Variants in KHDRBS2 observed in about 807,000 individuals in gnomAD.
KHDRBS2 encodes KH domain-containing, RNA-binding, signal transduction-associated protein 2.
Under a neutral mutation model 44.3 loss-of-function variants are expected in KHDRBS2, and 26 were observed. The observed-to-expected ratio is 0.59, with a 90% CI of 0.43 to 0.81. The LOEUF (loss-of-function observed/expected upper bound fraction) is 0.81. Ranked by LOEUF, KHDRBS2 falls within the 40% of genes least tolerant of loss-of-function variation. The probability of loss-of-function intolerance (pLI) is 0.00; values close to 1 mark genes in which losing one functional copy is unlikely to be tolerated. For synonymous variants in KHDRBS2, 194 were observed against 151.1 expected (o/e 1.28, Z -2.08); for missense variants, 476 against 433.1 (o/e 1.10, Z -0.88).
intron 2 of KHDRBS2, among the ~76,000 whole-genome samples, chr6:62,056,897 C>T (rs186349521): frequency 1.8e-4 from 27 of 152,108 alleles, no homozygotes; most frequent in African/African-American, 6.3e-4. Flanking sequence ...ATTCTTGCGA[C>T]ACATTTCCCA....
the KHDRBS2 span, among the ~76,000 whole-genome samples, chr6:61,660,561 A>G: frequency 6.6e-6 from 1 of 151,878 alleles, no homozygotes; most frequent in South Asian, 2.1e-4. Flanking sequence ...AAGGAAGAAA[A>G]CAGAAATGTA....
the KHDRBS2 span, among the ~76,000 whole-genome samples, chr6:61,590,988 C>A: frequency 6.6e-6 from 1 of 152,126 alleles, no homozygotes; most frequent in Non-Finnish European, 1.5e-5. Context: ...AAGAAATTGC[C>A]ACCATACAGA....
chr6:61,649,903 C>T, the KHDRBS2 span, among the ~76,000 whole-genome samples: 2,057 of 152,198 alleles, frequency 0.014, 48 homozygotes, highest in African/African-American at 0.048. Context: ...TCTTTTGAAA[C>T]ATGTAGAGAT....
intron 2 of KHDRBS2, among the ~76,000 whole-genome samples, chr6:62,160,414 G>A (rs1349799028): frequency 6.6e-6 from 1 of 152,064 alleles, no homozygotes; most frequent in Non-Finnish European, 1.5e-5. Context: ...GTAAATATAT[G>A]AGGGCCAAGT....
intron 1 of KHDRBS2, among the ~76,000 whole-genome samples, chr6:62,186,718 T>C (rs7756505): frequency 0.61 from 92,488 of 151,792 alleles, 28,358 homozygotes; most frequent in Non-Finnish European, 0.62. Flanking sequence ...TCATCTAACA[T>C]TAAGCAGTGG....
At chr6:61,878,493 T>C (rs1285757389) in intron 6 of KHDRBS2, among the ~76,000 whole-genome samples, 1 of 152,050 alleles carries the variant, frequency 6.6e-6, no homozygotes, top group Admixed American at 6.6e-5. Flanking sequence ...AATGACACTT[T>C]TGTTGGTTCC....
At chr6:62,213,978 CATG>C (rs2150147190) in intron 1 of KHDRBS2, among the ~76,000 whole-genome samples, 1 of 142,978 alleles carries the variant, frequency 7.0e-6, no homozygotes, top group African/African-American at 2.6e-5. Context: ...AAGAGAAATA[CATG>C]ATGATAAAAT....
At chr6:62,181,668 TGTTATGGTCTGAAA>T (rs1822336217) in intron 1 of KHDRBS2, among the ~76,000 whole-genome samples, 1 of 151,998 alleles carries the variant, frequency 6.6e-6, no homozygotes. Context: ...ATGACCTAGT[TGTTATGGTCTGAAA>T]GTTTGTGCCC....
intron 1 of KHDRBS2, among the ~76,000 whole-genome samples, chr6:62,258,641 T>C (rs932083050): frequency 1.3e-5 from 2 of 152,064 alleles, no homozygotes; most frequent in African/African-American, 4.8e-5. Flanking sequence ...ATTCAGGCTA[T>C]GTGTATAAGG....
the KHDRBS2 span, among the ~76,000 whole-genome samples, chr6:61,553,551 G>A: frequency 6.6e-6 from 1 of 151,894 alleles, no homozygotes; most frequent in African/African-American, 2.4e-5. Context: ...ACTAGCTTTG[G>A]GGTTGGTTTG....
intron 7 of KHDRBS2, among the ~76,000 whole-genome samples, chr6:61,720,799 A>C (rs1484840232): frequency 6.6e-6 from 1 of 150,912 alleles, no homozygotes; most frequent in Non-Finnish European, 1.5e-5. Flanking sequence ...CCCATTTGTC[A>C]ATTTTGGCTT....
chr6:61,764,668 T>C (rs1779738521), intron 6 of KHDRBS2, among the ~76,000 whole-genome samples: 1 of 151,900 alleles, frequency 6.6e-6, no homozygotes, highest in Admixed American at 6.5e-5. Context: ...TTGCTGTATA[T>C]ATGTCTTCTT....
intron 2 of KHDRBS2, among the ~76,000 whole-genome samples, chr6:62,133,688 A>T (rs2150091989): frequency 6.6e-6 from 1 of 152,276 alleles, no homozygotes; most frequent in Admixed American, 6.5e-5. Flanking sequence ...CTTCCTAGAG[A>T]CTTGTTAAAT....
chr6:62,227,476 C>T lies in KHDRBS2; in HGVS notation c.92-50164G>A, dbSNP rs577316234. 1.4e-4 allele frequency among the ~76,000 whole-genome samples: 22 copies of T among 152,204 alleles called. No homozygotes were observed. In the South Asian group the frequency reaches 3.1e-3, roughly 22 times the overall value. On this transcript the variant is annotated intron_variant, in intron 1 of 8. Coordinates refer to ENST00000281156, the MANE Select transcript of KHDRBS2 (RefSeq NM_152688.4). ...TAATCATATCTTCAGCAAACAGAGACGATTTGACTTCTTCTCTTCCTATTT... is the reference window on the plus strand; with the variant it reads ...TAATCATATCTTCAGCAAACAGAGATGATTTGACTTCTTCTCTTCCTATTT...
chr6:61,638,417 T>A, the KHDRBS2 span, among the ~76,000 whole-genome samples: 2 of 152,158 alleles, frequency 1.3e-5, no homozygotes, highest in Non-Finnish European at 2.9e-5. Context: ...AAGGATTCCC[T>A]ATTTAATAAA....
intron 6 of KHDRBS2, among the ~76,000 whole-genome samples, chr6:61,846,232 G>A (rs1794384237): frequency 6.6e-6 from 1 of 152,156 alleles, no homozygotes; most frequent in African/African-American, 2.4e-5. Flanking sequence ...TGTGAGAATA[G>A]ACTAATACAC....
intron 6 of KHDRBS2, among the ~76,000 whole-genome samples, chr6:61,788,079 T>C (rs1328705525): frequency 6.6e-6 from 1 of 151,602 alleles, no homozygotes; most frequent in Non-Finnish European, 1.5e-5. Context: ...TAAATCAGTG[T>C]TGGCCAACAA....
intron 6 of KHDRBS2, among the ~76,000 whole-genome samples, chr6:61,893,431 T>C (rs1339599885): frequency 4.6e-5 from 7 of 152,208 alleles, no homozygotes; most frequent in Non-Finnish European, 7.3e-5. Context: ...AGTATGCTGC[T>C]ATAAAGACAC....
chr6:62,138,151 AG>A (rs1224106499), intron 2 of KHDRBS2, among the ~76,000 whole-genome samples: 4 of 152,186 alleles, frequency 2.6e-5, no homozygotes, highest in Admixed American at 6.5e-5. Flanking sequence ...TCATATGAAA[AG>A]GCACTCAATA....
Sources: gnomAD v4.1 joint callset for allele counts (sites outside exome capture counted in the v4.1 genomes callset) on GRCh38, gnomAD v4.1.1 for gene constraint, MANE v1.5 for transcripts, NCBI Gene and HGNC (gene_info 2026-07-23, HGNC 2026-07-21) for gene names.